The following UPP2 variants were observed in gnomAD, a reference collection of about 807,000 sequenced individuals.
The protein encoded by UPP2 is UPase 2.
In UPP2, 23 loss-of-function variants were observed where a neutral mutation model predicts 26.7. The observed-to-expected ratio is 0.86, with a 90% CI of 0.62 to 1.22. The LOEUF (loss-of-function observed/expected upper bound fraction) is 1.22. Ranked by LOEUF, UPP2 falls within the 50% of genes most tolerant of loss-of-function variation. UPP2 has a pLI of 0.00. For synonymous variants in UPP2, 127 were observed against 141.3 expected, an observed-to-expected ratio of 0.90 and a Z score of 0.72; for missense variants, 387 against 396.7, an observed-to-expected ratio of 0.98 and a Z score of 0.21.
chr2:158,007,149 G>A (rs773347728), intron 2 of UPP2, among the ~76,000 whole-genome samples: 18 of 152,092 alleles, frequency 1.2e-4, no homozygotes, highest in Non-Finnish European at 2.1e-4. Flanking sequence ...CCCTTTCTGT[G>A]TACTCATAGG....
At chr2:157,996,396 G>A (rs921852292) in intron 2 of UPP2, among the ~76,000 whole-genome samples, 1 of 151,864 alleles carries the variant, frequency 6.6e-6, no homozygotes, top group African/African-American at 2.4e-5. Context: ...TATTTCCCTA[G>A]AACTTGTTTA....
At chr2:158,088,042 T>TG (rs1245439636) in intron 3 of UPP2, among the ~76,000 whole-genome samples, 1 of 152,222 alleles carries the variant, frequency 6.6e-6, no homozygotes, top group African/African-American at 2.4e-5. Context: ...TTACAAGGCC[T>TG]GGGAAGTGTT....
At chr2:158,103,042 G>T (rs1311010020) in intron 1 of UPP2, among the ~76,000 whole-genome samples, 1 of 152,158 alleles carries the variant, frequency 6.6e-6, no homozygotes, top group Non-Finnish European at 1.5e-5. Context: ...AGAGTTTGAA[G>T]ATTCAACAAC....
upstream of UPP2, among the ~76,000 whole-genome samples, chr2:158,099,721 A>C (rs1683043514): frequency 6.6e-6 from 1 of 152,166 alleles, no homozygotes; most frequent in African/African-American, 2.4e-5. Context: ...TTCTTTTTCT[A>C]ATATTAGAGG....
upstream of UPP2, among the ~76,000 whole-genome samples, chr2:158,099,956 C>T (rs76195130): frequency 8.4e-3 from 1,273 of 152,254 alleles, 25 homozygotes; most frequent in African/African-American, 0.028. Context: ...TACCCAGTGG[C>T]CAGGTCTGAG....
At chr2:158,019,327 A>G (rs946857027) in intron 3 of UPP2, among the ~76,000 whole-genome samples, 3 of 152,072 alleles carry the variant, frequency 2.0e-5, no homozygotes, top group African/African-American at 7.2e-5. Flanking sequence ...CAGGAGAGAG[A>G]AGAGAGGACA....
chr2:158,118,098 G>A (rs185014195), intron 4 of UPP2, among the ~76,000 whole-genome samples, 160 bp downstream of exon 4: 18 of 152,046 alleles, frequency 1.2e-4, no homozygotes, highest in African/African-American at 4.3e-4. Context: ...TGCCCACATT[G>A]CCTTTTTCTT....
chr2:158,123,985 A>G (rs556713598), intron 6 of UPP2, 90 bp downstream of exon 6: 222 of 1,445,554 alleles, frequency 1.5e-4, no homozygotes, highest in Admixed American at 1.3e-3. Context: ...GTCCAGCTAT[A>G]TATTACCTTG....
chr2:158,100,832 A>G (rs753822984), upstream of UPP2, among the ~76,000 whole-genome samples: 8 of 152,176 alleles, frequency 5.3e-5, no homozygotes, highest in Non-Finnish European at 8.8e-5. Context: ...TCCCCAATAT[A>G]GAGTCCCCTA....
chr2:158,058,418 C>CGTGTGTGTGTGTGTGTGTGT (rs1558917364), intron 3 of UPP2, among the ~76,000 whole-genome samples: 9 of 21,428 alleles, frequency 4.2e-4, no homozygotes, highest in African/African-American at 3.8e-3. Context: ...CTCCCCCCAA[C>CGTGTGTGTGTGTGTGTGTGT]CTGTGTGTGT....
At chr2:158,127,920 C>G (rs1254630256) in intron 6 of UPP2, 2 of 829,372 alleles carry the variant, frequency 2.4e-6, no homozygotes, top group Non-Finnish European at 2.9e-6. Context: ...TAAATGCATT[C>G]TCCTATCACT....
intron 3 of UPP2, among the ~76,000 whole-genome samples, chr2:158,082,670 C>T (rs1454078071): frequency 6.6e-6 from 1 of 152,134 alleles, no homozygotes; most frequent in Non-Finnish European, 1.5e-5. Context: ...ATGACTAAAA[C>T]ACCAAAAGCA....
chr2:158,026,483 G>A (rs1331556210), intron 3 of UPP2, among the ~76,000 whole-genome samples: 1 of 152,162 alleles, frequency 6.6e-6, no homozygotes, highest in Non-Finnish European at 1.5e-5. Flanking sequence ...GTAAGAACGA[G>A]CGTCTCTCTA....
chr2:158,018,521 G>A (rs1387494121), intron 3 of UPP2, among the ~76,000 whole-genome samples: 1 of 152,132 alleles, frequency 6.6e-6, no homozygotes, highest in Non-Finnish European at 1.5e-5. Flanking sequence ...GGGCAGGGTC[G>A]ACCAAGTGGG....
At chr2:158,128,686 T>C (rs987376654) in intron 6 of UPP2, among the ~76,000 whole-genome samples, 3 of 152,188 alleles carry the variant, frequency 2.0e-5, no homozygotes, top group African/African-American at 7.2e-5. Context: ...CTGCCATTTC[T>C]TGCCAGCAGC....
intron 2 of UPP2, among the ~76,000 whole-genome samples, chr2:158,010,522 C>T (rs1490596609): frequency 1.3e-5 from 2 of 152,106 alleles, no homozygotes; most frequent in South Asian, 2.1e-4. Flanking sequence ...TTCACAGTTA[C>T]GGGCATAAGT....
At chr2:158,025,106 G>A (rs1683813594) in intron 3 of UPP2, among the ~76,000 whole-genome samples, 1 of 151,810 alleles carries the variant, frequency 6.6e-6, no homozygotes, top group East Asian at 1.9e-4. Flanking sequence ...GGAGGCTGAG[G>A]CAGGAGAATC....
chr2:158,110,208 A>G (rs1574297600), intron 2 of UPP2, among the ~76,000 whole-genome samples: 1 of 151,936 alleles, frequency 6.6e-6, no homozygotes, highest in African/African-American at 2.4e-5. Context: ...CCTGTGTCCA[A>G]GTGTTCTCAT....
At chr2:158,015,701 G>A (rs546700220) in intron 2 of UPP2, 67 of 430,060 alleles carry the variant, frequency 1.6e-4, no homozygotes, top group Admixed American at 2.4e-4. Flanking sequence ...CCCCCTTGCT[G>A]TTCTTGTGAT....
Sources: allele counts gnomAD v4.1 joint callset (sites outside exome capture counted in the v4.1 genomes callset), GRCh38; gene constraint gnomAD v4.1.1; transcripts MANE v1.5; gene names NCBI Gene and HGNC (gene_info 2026-07-23, HGNC 2026-07-21).